Variants in USP54 observed in about 807,000 individuals in gnomAD.
The protein encoded by USP54 is ubiquitin carboxyl-terminal hydrolase 54.
Under a neutral mutation model 170.5 loss-of-function variants are expected in USP54, and 87 were observed. The ratio of observed to expected loss-of-function variants is 0.51; its 90% CI spans 0.43 to 0.61. The LOEUF is 0.61. Ranked by LOEUF, USP54 falls within the 20% of genes least tolerant of loss-of-function variation. The pLI is 0.00. For missense variants in USP54, 1,786 were observed against 2,047.8 expected (o/e 0.87, Z 2.47); for synonymous variants, 655 against 742.8 (o/e 0.88, Z 1.92).
intron 4 of USP54, among the ~76,000 whole-genome samples, chr10:73,560,826 C>T (rs1210546571): frequency 2.0e-5 from 3 of 151,564 alleles, no homozygotes; most frequent in African/African-American, 7.3e-5. Context: ...CCAAGAAGCC[C>T]GGGTACGGTG....
At chr10:73,610,142 C>T (rs566247429) in intron 1 of USP54, among the ~76,000 whole-genome samples, 3 of 152,258 alleles carry the variant, frequency 2.0e-5, no homozygotes, top group East Asian at 1.9e-4. Context: ...CACACCACTG[C>T]ACTCCAGCCT....
intron 22 of USP54, among the ~76,000 whole-genome samples, chr10:73,503,101 T>C (rs1193347499): frequency 6.6e-6 from 1 of 152,180 alleles, no homozygotes; most frequent in Non-Finnish European, 1.5e-5. Flanking sequence ...CATAATATTC[T>C]TTGTATCCTC....
upstream of USP54, among the ~76,000 whole-genome samples, chr10:73,595,607 A>G (rs1342062833): frequency 6.6e-6 from 1 of 152,240 alleles, no homozygotes; most frequent in African/African-American, 2.4e-5. Context: ...TTATAGCATC[A>G]TTATTGTTTA....
chr10:73,509,105 C>CAAA (rs34441562), intron 20 of USP54, among the ~76,000 whole-genome samples: 11 of 47,258 alleles, frequency 2.3e-4, no homozygotes, highest in South Asian at 8.9e-4. Context: ...ATCATACTGG[C>CAAA]AAAAAAAAAA....
chr10:73,526,196 G>A lies in USP54; in HGVS notation c.2194+451C>T, dbSNP rs992889677. Among the ~76,000 whole-genome samples the A allele has an allele frequency of 3.9e-5, 6 of 152,262 alleles. No homozygotes were observed. The East Asian group carries it at 1.2e-3, about 29-fold the overall frequency. ...CAAAAAATAGATAAATCCAAAGATG[G>A]AGCAACTGAAATGACTCTACATTTA... On this transcript the variant is annotated intron_variant, in intron 16 of 23. Coordinates refer to ENST00000687698, the MANE Select transcript of USP54 (RefSeq NM_001391956.1).
At chr10:73,618,027 A>G (rs1327385067) in intron 1 of USP54, among the ~76,000 whole-genome samples, 1 of 150,374 alleles carries the variant, frequency 6.7e-6, no homozygotes, top group Non-Finnish European at 1.5e-5. Flanking sequence ...CCTGGCCGAC[A>G]TGGTGAAACC....
At chr10:73,588,111 C>T (rs570410939) in intron 1 of USP54, among the ~76,000 whole-genome samples, 5 of 152,260 alleles carry the variant, frequency 3.3e-5, no homozygotes. Flanking sequence ...ATAAAAATTT[C>T]AGGAGATTAA....
intron 1 of USP54, among the ~76,000 whole-genome samples, chr10:73,601,971 A>G (rs1182377056): frequency 6.6e-6 from 1 of 152,210 alleles, no homozygotes; most frequent in Non-Finnish European, 1.5e-5. Context: ...CCTTGCCCAC[A>G]GTCAGATCTT....
intron 22 of USP54, 50 bp from the exon 23 acceptor site, chr10:73,500,888 G>A (rs2133118112): frequency 6.4e-7 from 1 of 1,554,132 alleles, no homozygotes. Flanking sequence ...TTAACACAAA[G>A]CAGGATGTAG....
rs573185275 is a variant in USP54, at chr10:73,502,370, G to A, written c.4312-1532C>T. ...GTCACCCAGGCTGGAGTGCAGTGGC[G>A]CAATCTCGGCTCACTCACTGCAAGC... On this transcript the variant is annotated intron_variant, in intron 22 of 23. Coordinates refer to ENST00000687698, the MANE Select transcript of USP54 (RefSeq NM_001391956.1). Among the ~76,000 whole-genome samples the A allele has an allele frequency of 1.8e-3, 274 of 152,082 alleles. 2 individuals are homozygous for A. The highest frequency in any genetic ancestry group is 6.0e-3 in the African/African-American group (251 of 41,492).
At chr10:73,567,813 G>C (rs1386837684) in intron 4 of USP54, among the ~76,000 whole-genome samples, 1 of 152,086 alleles carries the variant, frequency 6.6e-6, no homozygotes, top group Non-Finnish European at 1.5e-5. Context: ...AACTTTGTTT[G>C]ATCCTTTATA....
In USP54 at chr10:73,620,553, C is replaced by T. The variant is rs909097474; in HGVS notation, c.-18+5014G>A. On this transcript the variant is annotated intron_variant, in intron 1 of 22. Coordinates refer to the USP54 transcript ENST00000339859. Reference sequence around the variant, plus strand: ...GGCCAGGCTGGTCTTGAACTCCTGGCCTCAAGCAATCCTCCTGCCTTAGCC... The same window carrying T: ...GGCCAGGCTGGTCTTGAACTCCTGGTCTCAAGCAATCCTCCTGCCTTAGCC... 5.4e-5 allele frequency among the ~76,000 whole-genome samples: 8 copies of T among 147,172 alleles called. 1 individual carries two copies. Among genetic ancestry groups the T allele is most frequent in the African/African-American group, 1.9e-4 (7 of 37,804 alleles).
intron 5 of USP54, among the ~76,000 whole-genome samples, chr10:73,545,116 C>T (rs539318796): frequency 6.6e-6 from 1 of 152,306 alleles, no homozygotes; most frequent in South Asian, 2.1e-4. Flanking sequence ...CCATATAGCA[C>T]ATCACACTTA....
chr10:73,539,482 G>A lies in USP54; in HGVS notation c.937C>T (p.Arg313Cys), dbSNP rs750516852. The stretch of plus-strand genomic sequence containing the variant: ...GCATCATCAAAATACATCCATTTGC[G>A]AATCTTTGTTTGAAAAAAGAATGTA... ...YSTFFFQTKI[R>C]KWMYFDDAHV... The change falls in exon 10 of 24, where the codon CGC (arginine) becomes TGC (cysteine). Residue 313 changes from arginine (R) to cysteine (C), a missense_variant. Transcript: ENST00000687698. 70 of 1,608,874 alleles carry A rather than the reference G, an allele frequency of 4.4e-5. No individual in the cohort carries two copies. Among genetic ancestry groups the A allele is most frequent in the Non-Finnish European group, 5.9e-6 (7 of 1,176,808 alleles).
At chr10:73,553,957 A>T (rs2070305276) in intron 4 of USP54, among the ~76,000 whole-genome samples, 1 of 152,236 alleles carries the variant, frequency 6.6e-6, no homozygotes, top group Admixed American at 6.5e-5. Context: ...ATGAGCACAT[A>T]ATTATTTGGA....
intron 1 of USP54, among the ~76,000 whole-genome samples, chr10:73,625,017 TGTC>T (rs1049109293): frequency 6.6e-6 from 1 of 152,164 alleles, no homozygotes; most frequent in African/African-American, 2.4e-5. Flanking sequence ...AAGGTTTAAG[TGTC>T]GTATTGCACA....
chr10:73,546,219 C>T (rs933403354), intron 4 of USP54, among the ~76,000 whole-genome samples: 1 of 152,140 alleles, frequency 6.6e-6, no homozygotes, highest in Non-Finnish European at 1.5e-5. Flanking sequence ...TTAAGACTGC[C>T]CCACTCTCTA....
chr10:73,583,814 G>C (rs1448499819), intron 1 of USP54, among the ~76,000 whole-genome samples: 1 of 151,862 alleles, frequency 6.6e-6, no homozygotes. Context: ...AAATAATAAT[G>C]GTAGGCAAAC....
Position 73,517,254 on chromosome 10 carries a change from A to G in USP54, c.3172T>C (p.Ser1058Pro). The change falls in exon 20 of 24, where the codon TCA (serine) becomes CCA (proline). Residue 1058 changes from serine (S) to proline (P), a missense_variant. Around this residue, in one of 3 missense-constraint regions of USP54, gnomAD observed 1,418 missense variants for 1,569.0 expected, o/e 0.90. Transcript: ENST00000687698. Reference protein sequence around the residue: ...GDEHSLGCSPSNSSAQPSLPL... With the variant: ...GDEHSLGCSPPNSSAQPSLPL... Reference sequence around the variant, plus strand: ...AGGCTGGGCTGAGCTGATGAATTTGAAGGACTACAGCCTAGGCTGTGTTCA... The same window carrying G: ...AGGCTGGGCTGAGCTGATGAATTTGGAGGACTACAGCCTAGGCTGTGTTCA... 1.2e-6 allele frequency: 2 copies of G among 1,614,140 alleles called. No homozygotes were observed. Among genetic ancestry groups the G allele is most frequent in the Non-Finnish European group, 1.7e-6 (2 of 1,179,984 alleles).
Sources: gnomAD v4.1 joint callset for allele counts (sites outside exome capture counted in the v4.1 genomes callset) on GRCh38, gnomAD v4.1.1 for gene constraint, gnomAD v4.1.1 regional missense constraint, MANE v1.5 for transcripts, NCBI Gene and HGNC (gene_info 2026-07-23, HGNC 2026-07-21) for gene names.